The following RUNX1 variants were observed in gnomAD, a reference collection of about 807,000 sequenced individuals.
RUNX1 encodes the protein RUNX family transcription factor 1.
A neutral mutation model predicts 42.8 loss-of-function variants in RUNX1; 19 were observed. The ratio of observed to expected loss-of-function variants is 0.44; its 90% CI spans 0.31 to 0.65. The LOEUF is 0.65. Ranked by LOEUF, RUNX1 falls within the 30% of genes least tolerant of loss-of-function variation. The pLI is 0.07. For synonymous variants in RUNX1, 271 were observed against 289.4 expected (o/e 0.94, Z 0.64); for missense variants, 528 against 672.0 (o/e 0.79, Z 2.37).
At chr21:34,865,589 C>CACCCT in intron 5 of RUNX1, among the ~76,000 whole-genome samples, 1 of 152,284 alleles carries the variant, frequency 6.6e-6, no homozygotes, top group South Asian at 2.1e-4. Flanking sequence ...CCTGGACACT[C>CACCCT]GCTGCCATGA....
intron 2 of RUNX1, among the ~76,000 whole-genome samples, chr21:34,960,259 C>T (rs1569125744): frequency 6.6e-6 from 1 of 152,140 alleles, no homozygotes; most frequent in Non-Finnish European, 1.5e-5. Context: ...CCCTGCTGCC[C>T]CGGCTCCCGA....
At chr21:34,956,626 G>A (rs192364881) in intron 2 of RUNX1, among the ~76,000 whole-genome samples, 2 of 152,266 alleles carry the variant, frequency 1.3e-5, no homozygotes, top group Non-Finnish European at 2.9e-5. Context: ...TCACGCCCTA[G>A]ATACCACTTT....
chr21:34,928,868 TA>T (rs957469215), intron 2 of RUNX1, among the ~76,000 whole-genome samples: 2 of 149,712 alleles, frequency 1.3e-5, no homozygotes, highest in African/African-American at 4.9e-5. Context: ...CCAAGCTCAT[TA>T]AAAAAGAACA....
chr21:35,007,543 C>T (rs2059094300), intron 2 of RUNX1, among the ~76,000 whole-genome samples: 1 of 152,192 alleles, frequency 6.6e-6, no homozygotes, highest in Non-Finnish European at 1.5e-5. Context: ...CCACCACTTC[C>T]CCTTCCCTGG....
At chr21:34,921,237 A>C (rs1441435917) in intron 2 of RUNX1, among the ~76,000 whole-genome samples, 1 of 152,108 alleles carries the variant, frequency 6.6e-6, no homozygotes, top group Non-Finnish European at 1.5e-5. Context: ...TCTCCAGAAC[A>C]TTTTTGTCTT....
At chr21:34,930,264 G>GTA (rs1295644493) in intron 2 of RUNX1, among the ~76,000 whole-genome samples, 24 of 72,896 alleles carry the variant, frequency 3.3e-4, no homozygotes, top group African/African-American at 1.7e-3. Flanking sequence ...ATACGTGTGT[G>GTA]TGTATGTATA....
chr21:35,047,527 A>G (rs2147035128), intron 2 of RUNX1, among the ~76,000 whole-genome samples: 1 of 68,468 alleles, frequency 1.5e-5, no homozygotes, highest in Non-Finnish European at 2.8e-5. Flanking sequence ...ACACACACAC[A>G]CACACACACA....
At chr21:34,853,977 C>T (rs769381837) in intron 6 of RUNX1, among the ~76,000 whole-genome samples, 68 of 151,940 alleles carry the variant, frequency 4.5e-4, no homozygotes, top group Admixed American at 1.5e-3. Flanking sequence ...CACACCAGGC[C>T]GATTTTTGTA....
In RUNX1 at chr21:34,792,565, G is replaced by A. The variant is rs1273605678; in HGVS notation, c.1013C>T (p.Ala338Val). ...TAFSDPRQFP[A>V]LPSISDPRMH... ...GCGGGGGTCGGAGATGGAGGGCAGC[G>A]CGGGGAACTGGCGCGGGTCGCTGAA... Residue 338 changes from alanine (A) to valine (V), a missense_variant, in exon 9 of 9, where the codon GCG becomes GTG. Ala to Val is a moderately conservative substitution (Grantham distance 64). This residue lies in a region of RUNX1 where 331 missense variants were observed against 382.5 expected (regional missense o/e 0.87). Coordinates refer to ENST00000675419, the MANE Select transcript of RUNX1 (RefSeq NM_001754.5). This position sits in a 1 kb window ranked among gnomAD's most constrained non-coding sequence, Gnocchi z 6.9. 6.2e-6 allele frequency: 10 copies of A among 1,606,542 alleles called. No homozygotes were observed. The highest frequency in any genetic ancestry group is 1.1e-5 in the South Asian group (1 of 89,644).
intron 2 of RUNX1, among the ~76,000 whole-genome samples, chr21:35,021,128 C>T (rs965424879): frequency 1.3e-5 from 2 of 152,170 alleles, no homozygotes; most frequent in Admixed American, 6.5e-5. Context: ...CCATGACTGG[C>T]AAAGTAAAAT....
At chr21:34,888,575 T>C in intron 3 of RUNX1, 1 of 1,061,732 alleles carries the variant, frequency 9.4e-7, no homozygotes, top group Non-Finnish European at 1.1e-6. Flanking sequence ...GACTTCCTTC[T>C]GGCGTCCCTA....
intron 7 of RUNX1, among the ~76,000 whole-genome samples, chr21:34,817,833 C>G (rs150250325): frequency 2.6e-5 from 4 of 152,118 alleles, no homozygotes; most frequent in Admixed American, 2.0e-4. Flanking sequence ...CGATCATCAC[C>G]CTTGAGGGGT....
intron 6 of RUNX1, among the ~76,000 whole-genome samples, chr21:34,849,312 TTATA>T (rs563908953): frequency 2.8e-5 from 1 of 36,242 alleles, no homozygotes; most frequent in Non-Finnish European, 5.0e-5. Context: ...ATAATATATA[TTATA>T]TATATATTAT....
chr21:34,958,402 C>T (rs558576719), intron 2 of RUNX1, among the ~76,000 whole-genome samples: 18 of 152,288 alleles, frequency 1.2e-4, no homozygotes, highest in African/African-American at 4.1e-4. Flanking sequence ...TATGAACAGA[C>T]ACTTCTCAAA....
intron 2 of RUNX1, among the ~76,000 whole-genome samples, chr21:34,967,284 C>CACT (rs2058726528): frequency 8.5e-6 from 1 of 117,284 alleles, no homozygotes; most frequent in Non-Finnish European, 1.6e-5. Context: ...CGCATCATTG[C>CACT]ACTCCAGCCC....
intron 2 of RUNX1, among the ~76,000 whole-genome samples, chr21:35,033,043 A>T (rs1161759740): frequency 6.6e-6 from 1 of 152,062 alleles, no homozygotes; most frequent in African/African-American, 2.4e-5. Context: ...CTATCTATCC[A>T]TCTACCTGCC....
At chr21:34,870,972 C>A (rs2057728795) in intron 5 of RUNX1, among the ~76,000 whole-genome samples, 1 of 151,728 alleles carries the variant, frequency 6.6e-6, no homozygotes, top group Non-Finnish European at 1.5e-5. Flanking sequence ...AAAACAAAAA[C>A]AAAAAAACAA....
At chr21:34,799,203 T>A in intron 8 of RUNX1, 98 bp downstream of exon 8, 1 of 1,317,560 alleles carries the variant, frequency 7.6e-7, no homozygotes, top group Admixed American at 1.7e-5. Flanking sequence ...AAACCATGTT[T>A]TACTCAATAA....
intron 2 of RUNX1, among the ~76,000 whole-genome samples, chr21:35,003,372 C>T (rs540908907): frequency 1.2e-4 from 18 of 152,094 alleles, no homozygotes; most frequent in African/African-American, 4.3e-4. Context: ...ATGTGAGTAA[C>T]AAGGACGAAC....
Sources: allele counts gnomAD v4.1 joint callset (sites outside exome capture counted in the v4.1 genomes callset), GRCh38; gene constraint gnomAD v4.1.1; regional missense constraint gnomAD v4.1.1; non-coding constraint Gnocchi (gnomAD v3.1); transcripts MANE v1.5; gene names NCBI Gene and HGNC (gene_info 2026-07-23, HGNC 2026-07-21).